The following EEF2K variants were observed in gnomAD, a reference collection of about 807,000 sequenced individuals.
The protein encoded by EEF2K is eukaryotic elongation factor 2 kinase, also known as alternative protein EEF2K.
In EEF2K, 70 loss-of-function variants were observed where a neutral mutation model predicts 93.8. The ratio of observed to expected loss-of-function variants is 0.75; its 90% confidence interval spans 0.62 to 0.91. EEF2K has a LOEUF of 0.91. Ranked by LOEUF, EEF2K falls within the 40% of genes least tolerant of loss-of-function variation. EEF2K has a pLI of 0.00. For missense variants in EEF2K, 935 were observed against 972.9 expected, an observed-to-expected ratio of 0.96 and a Z score of 0.52; for synonymous variants, 376 against 380.8, an observed-to-expected ratio of 0.99 and a Z score of 0.15.
chr16:22,251,337 T>C lies in EEF2K; in HGVS notation c.618+15T>C, dbSNP rs1402083678. The stretch of plus-strand genomic sequence containing the variant: ...CCCCCAAGCAGGTGCGTGGCCCCAC[T>C]ACCTGCCCCCTTTCCATGCCAGGGC... On this transcript the variant is annotated intron_variant, in intron 6 of 17. Transcript: ENST00000263026. The C allele has an allele frequency of 1.2e-6, 2 of 1,612,704 alleles. No homozygotes were observed. Among genetic ancestry groups the C allele is most frequent in the South Asian group, 2.2e-5 (2 of 90,974 alleles).
chr16:22,221,102 A>G (rs1457367782), intron 1 of EEF2K, among the ~76,000 whole-genome samples: 4 of 152,214 alleles, frequency 2.6e-5, no homozygotes, highest in African/African-American at 9.6e-5. Flanking sequence ...TTGGTTTTCA[A>G]ACGGTGAGTA....
chr16:22,223,012 T>C (rs886775330), intron 1 of EEF2K, among the ~76,000 whole-genome samples: 22 of 152,170 alleles, frequency 1.4e-4, no homozygotes, highest in Admixed American at 7.2e-4. Flanking sequence ...CCCCAACCAT[T>C]CCCACCACCA....
chr16:22,272,060 G>A (rs1223088978), intron 15 of EEF2K, among the ~76,000 whole-genome samples: 1 of 152,212 alleles, frequency 6.6e-6, no homozygotes, highest in East Asian at 1.9e-4. Flanking sequence ...TTCATCTGCA[G>A]TGTTCATGTT....
At chr16:22,209,940 G>A (rs2046898989) in intron 1 of EEF2K, among the ~76,000 whole-genome samples, 1 of 152,140 alleles carries the variant, frequency 6.6e-6, no homozygotes, top group African/African-American at 2.4e-5. Flanking sequence ...CTACAGACAT[G>A]AGCTACCACC....
At chr16:22,266,586 C>T (rs1181581161) in intron 14 of EEF2K, 62 bp downstream of exon 14, 1 of 1,600,660 alleles carries the variant, frequency 6.2e-7, no homozygotes, top group Non-Finnish European at 8.5e-7. Context: ...CAGCTCCAGC[C>T]TCTCCTCCGC....
At chr16:22,278,678 C>G (rs1372085139) in intron 16 of EEF2K, among the ~76,000 whole-genome samples, 1 of 152,172 alleles carries the variant, frequency 6.6e-6, no homozygotes, top group Non-Finnish European at 1.5e-5. Flanking sequence ...CACAGGCCTT[C>G]TTACCTGTGT....
Position 22,259,501 on chromosome 16 carries a change from A to G in EEF2K, c.1231+806A>G, listed in dbSNP as rs184561318. Among the ~76,000 whole-genome samples, 19 of 152,320 alleles carry G rather than the reference A, an allele frequency of 1.2e-4. No homozygotes were observed. The East Asian group carries it at 2.9e-3, about 23-fold the overall frequency. On this transcript the variant is annotated intron_variant, in intron 10 of 17. Transcript: ENST00000263026. ...AACAGACTTTTTTAAAAGGTCAGAG[A>G]GTAAATATTTTAAGCTTTGCAGGTC...
Position 22,284,452 on chromosome 16 carries a change from T to C in EEF2K, c.*456T>C, listed in dbSNP as rs1479770873. The C allele has an allele frequency of 6.3e-6, 1 of 159,276 alleles. No homozygotes were observed. The highest frequency in any genetic ancestry group is 1.8e-4 in the East Asian group (1 of 5,576). The allele number at this position is 159,276 out of a possible 1,614,324, so 9.9% of individuals were successfully genotyped here. On this transcript the variant is annotated 3_prime_UTR_variant, in exon 18 of 18. Coordinates refer to ENST00000263026, the MANE Select transcript of EEF2K (RefSeq NM_013302.5). The stretch of plus-strand genomic sequence containing the variant: ...CACACCACCACACTCAGCTAATTTT[T>C]GCATTTTTAGTAGAGATGGGGTTTC...
At chr16:22,238,336 T>C (rs1320269869) in intron 2 of EEF2K, among the ~76,000 whole-genome samples, 1 of 152,074 alleles carries the variant, frequency 6.6e-6, no homozygotes, top group East Asian at 1.9e-4. Context: ...TAGCATCTTA[T>C]TTTGAGTATA....
In EEF2K at chr16:22,258,617, A is replaced by G. The variant is rs1399554089; in HGVS notation, c.1153A>G (p.Met385Val). 1 of 1,614,112 alleles carries G rather than the reference A, an allele frequency of 6.2e-7. No homozygotes were observed. The highest frequency in any genetic ancestry group is 1.1e-5 in the South Asian group (1 of 91,080). ...TTCAGAGAACTCTGGAGACGAGAAC[A>G]TGAGCGACGTGACCTTCGACTCTCT... ...PLSENSGDEN[M>V]SDVTFDSLPS... Residue 385 changes from methionine (M) to valine (V), a missense_variant, in exon 10 of 18, where the codon ATG becomes GTG. Coordinates refer to ENST00000263026, the MANE Select transcript of EEF2K (RefSeq NM_013302.5).
rs759137439 is a variant in EEF2K, at chr16:22,266,762, G to A, written c.1650G>A (p.Ser550=). 26 of 1,614,098 alleles carry A rather than the reference G, an allele frequency of 1.6e-5. No homozygotes were observed. The highest frequency in any genetic ancestry group is 2.0e-5 in the Non-Finnish European group (24 of 1,180,044). The change falls in exon 15 of 18, where the codon TCG becomes TCA. Residue 550 remains serine, a synonymous_variant. Transcript: ENST00000263026. ...AGGGCGAGGAGTGGGACCAGGAGTC[G>A]GCTGTCTTCCACCTGGAGCACGCAG... ...CEKGEEWDQE[S]AVFHLEHAAN...
chr16:22,208,437 C>A (rs77700399), intron 1 of EEF2K, among the ~76,000 whole-genome samples: 12,845 of 152,096 alleles, frequency 0.084, 832 homozygotes, highest in East Asian at 0.28. Context: ...GCAGGAGAAT[C>A]GAGAATCGTT....
chr16:22,250,657 T>G lies in EEF2K; in HGVS notation c.412T>G (p.Phe138Val), dbSNP rs779826894. 7 of 1,614,092 alleles carry G rather than the reference T, an allele frequency of 4.3e-6. No individual in the cohort carries two copies. The highest frequency in any genetic ancestry group is 4.2e-6 in the Non-Finnish European group (5 of 1,180,042). Residue 138 changes from phenylalanine to valine, a missense_variant, in exon 5 of 18, where the codon TTC (phenylalanine) becomes GTC (valine). Transcript: ENST00000263026. ...CACTCTGTGTGGTGTCTTTCAGCCC[T>G]TCGGCCGAGGAGCAATGAGGGAGTG... ...EVLIKMASQPFGRGAMRECFR... is the reference protein window; with the variant it reads ...EVLIKMASQPVGRGAMRECFR...
At chr16:22,267,141 A>C (rs1176970282) in intron 15 of EEF2K, among the ~76,000 whole-genome samples, 2 of 152,168 alleles carry the variant, frequency 1.3e-5, no homozygotes, top group Admixed American at 6.6e-5. Flanking sequence ...TGGGGGAAGC[A>C]GAAGACACCA....
At chr16:22,228,006 CTTTTTTTTTTT>C (rs1051682997) in intron 2 of EEF2K, among the ~76,000 whole-genome samples, 1 of 80,026 alleles carries the variant, frequency 1.2e-5, no homozygotes, top group African/African-American at 5.0e-5. Context: ...AAACCAAATT[CTTTTTTTTTTT>C]TTTTTTTTTT....
chr16:22,226,484 C>T (rs1266873595), intron 2 of EEF2K, among the ~76,000 whole-genome samples: 3 of 134,264 alleles, frequency 2.2e-5, no homozygotes, highest in East Asian at 4.6e-4. Context: ...CCTTATTTCT[C>T]TTTCTCTCTT....
At position 22,254,687 on chromosome 16, in the gene EEF2K, T is replaced by C. The variant is rs940349046; in HGVS notation, c.619-2061T>C. Among the ~76,000 whole-genome samples, 9 of 152,286 alleles carry C rather than the reference T, an allele frequency of 5.9e-5. No individual in the cohort carries two copies. The East Asian group carries it at 1.7e-3, about 29-fold the overall frequency. On this transcript the variant is annotated intron_variant, in intron 6 of 17. Transcript: ENST00000263026. ...AAAACAAAAAAAATTCGGCAAGGAA[T>C]GTCAAAGTTCCCTATAATTTCCCAT...
In EEF2K at chr16:22,266,726, C is replaced by T; in HGVS notation, c.1614C>T (p.Arg538=). The change falls in exon 15 of 18, where the codon CGC becomes CGT. Residue 538 remains arginine (R), a synonymous_variant. Coordinates refer to ENST00000263026, the MANE Select transcript of EEF2K (RefSeq NM_013302.5). ...LAMVRYHEGG[R]FCEKGEEWDQ... ...TGGTGCGCTACCACGAGGGTGGGCG[C>T]TTCTGCGAGAAGGGCGAGGAGTGGG... The T allele has an allele frequency of 1.2e-6, 2 of 1,613,804 alleles. No individual in the cohort carries two copies. Among genetic ancestry groups the T allele is most frequent in the Non-Finnish European group, 1.7e-6 (2 of 1,179,868 alleles).
chr16:22,235,013 T>G (rs1044040701), intron 2 of EEF2K, among the ~76,000 whole-genome samples: 20 of 151,126 alleles, frequency 1.3e-4, no homozygotes, highest in African/African-American at 4.6e-4. Flanking sequence ...CCTGAGTAGC[T>G]GGGATTACAG....
Sources: allele counts gnomAD v4.1 joint callset (sites outside exome capture counted in the v4.1 genomes callset), GRCh38; gene constraint gnomAD v4.1.1; transcripts MANE v1.5; gene names NCBI Gene and HGNC (gene_info 2026-07-23, HGNC 2026-07-21).